Variants in CAMK1D observed in about 807,000 individuals in gnomAD.
CAMK1D encodes calcium/calmodulin-dependent protein kinase type 1D.
CAMK1D carries 9 observed loss-of-function variants against 47.7 expected under a neutral mutation model. The observed-to-expected ratio is 0.19, with a 90% CI of 0.11 to 0.33. CAMK1D has a LOEUF of 0.33. CAMK1D is among the 10% of genes least tolerant of loss of function. The probability of loss-of-function intolerance (pLI) is 1.00; values close to 1 mark genes in which losing one functional copy is unlikely to be tolerated. For synonymous variants in CAMK1D, 184 were observed against 184.9 expected (o/e 0.99, Z 0.04); for missense variants, 291 against 488.7 (o/e 0.60, Z 3.81).
chr10:12,603,402 C>T (rs1838363547), intron 2 of CAMK1D, among the ~76,000 whole-genome samples: 1 of 152,210 alleles, frequency 6.6e-6, no homozygotes, highest in South Asian at 2.1e-4. Flanking sequence ...CCGTGCACGC[C>T]TGTCCTTGAT....
chr10:12,605,337 AGTGTGTGTGTGT>A lies in CAMK1D; in HGVS notation c.224+52000_224+52011del, dbSNP rs112178502. On this transcript the variant is annotated intron_variant, in intron 2 of 10. Transcript: ENST00000619168. ...TGTGATGGTGGATAGAAACCATTCA[AGTGTGTGTGTGT>A]GTGTGTGTGTGTGTGTGTATGTGTG... Among the ~76,000 whole-genome samples the A allele has an allele frequency of 2.0e-3, 289 of 145,214 alleles. 1 individual carries two copies. In the East Asian group the frequency reaches 0.027, roughly 14 times the overall value.
rs1212612487 is a variant in CAMK1D at position 12,734,345 on chromosome 10, AATATATATATATAT to A, written c.300-26583_300-26570del. Among the ~76,000 whole-genome samples, 44 of 8,460 alleles carry A rather than the reference AATATATATATATAT, an allele frequency of 5.2e-3. 1 individual carries two copies. The highest frequency in any genetic ancestry group is 0.015 in the South Asian group (4 of 262). 5.6% of individuals were successfully genotyped at this position (8,460 alleles called of 152,430 possible). A position where few individuals can be genotyped will look rare whatever the true frequency, so the allele number is the denominator to read the frequency against. On this transcript the variant is annotated intron_variant, in intron 3 of 10. Coordinates refer to ENST00000619168, the MANE Select transcript of CAMK1D (RefSeq NM_153498.4). ...CTCAAAAAAAAAAAAAAAAAAAAAA[AATATATATATATAT>A]ATATATATATATATATATAGATATA...
intron 1 of CAMK1D, among the ~76,000 whole-genome samples, chr10:12,446,089 C>G (rs182692638): frequency 1.1e-4 from 16 of 152,242 alleles, no homozygotes; most frequent in Admixed American, 8.5e-4. Context: ...CATCCTTCAG[C>G]CTGCTAGTGT....
At chr10:12,476,179 C>T (rs1001038495) in intron 1 of CAMK1D, among the ~76,000 whole-genome samples, 1 of 151,990 alleles carries the variant, frequency 6.6e-6, no homozygotes, top group African/African-American at 2.4e-5. Context: ...ATAATCCCAG[C>T]TACTCAGGAG....
chr10:12,713,216 G>A (rs200654193), intron 3 of CAMK1D, among the ~76,000 whole-genome samples: 6 of 152,190 alleles, frequency 3.9e-5, no homozygotes, highest in Non-Finnish European at 5.9e-5. Context: ...GATTACAAGC[G>A]CACGCCACCA....
At chr10:12,692,257 T>C (rs758774056) in intron 3 of CAMK1D, among the ~76,000 whole-genome samples, 12 of 152,318 alleles carry the variant, frequency 7.9e-5, no homozygotes, top group Non-Finnish European at 1.3e-4. Flanking sequence ...TCTTCTGTTG[T>C]GCTATTGATG....
intron 1 of CAMK1D, among the ~76,000 whole-genome samples, chr10:12,516,600 C>T (rs1292995427): frequency 6.6e-6 from 1 of 152,210 alleles, no homozygotes; most frequent in Non-Finnish European, 1.5e-5. Flanking sequence ...TTTGTATTTG[C>T]ACCAGCAGCG....
chr10:12,673,174 C>T lies in CAMK1D; in HGVS notation c.299+6364C>T, dbSNP rs532810528. Among the ~76,000 whole-genome samples the T allele has an allele frequency of 2.6e-5, 4 of 152,132 alleles. 1 individual carries two copies. The East Asian group carries it at 5.8e-4, about 22-fold the overall frequency. On this transcript the variant is annotated intron_variant, in intron 3 of 10. Transcript: ENST00000619168. ...TGCTAAGATTATAGGTGTGAGCCACCGTGCCCGGCTGCCTTTTTTAATGCT... is the reference window on the plus strand; with the variant it reads ...TGCTAAGATTATAGGTGTGAGCCACTGTGCCCGGCTGCCTTTTTTAATGCT...
At chr10:12,646,123 G>A (rs1839804924) in intron 2 of CAMK1D, among the ~76,000 whole-genome samples, 1 of 152,124 alleles carries the variant, frequency 6.6e-6, no homozygotes, top group African/African-American at 2.4e-5. Context: ...AAAAACTTGA[G>A]TCCTTGGTAT....
At chr10:12,419,159 T>C (rs1839959637) in intron 1 of CAMK1D, among the ~76,000 whole-genome samples, 1 of 151,924 alleles carries the variant, frequency 6.6e-6, no homozygotes, top group East Asian at 1.9e-4. Context: ...GGACGGGAGA[T>C]TTTATAAGCT....
intron 1 of CAMK1D, among the ~76,000 whole-genome samples, chr10:12,494,714 G>A (rs961168189): frequency 6.6e-6 from 1 of 152,104 alleles, no homozygotes; most frequent in Non-Finnish European, 1.5e-5. Flanking sequence ...ACAGGCATGT[G>A]CCACCACACC....
intron 3 of CAMK1D, among the ~76,000 whole-genome samples, chr10:12,700,671 G>A (rs563127729): frequency 2.6e-5 from 4 of 152,324 alleles, no homozygotes; most frequent in African/African-American, 9.6e-5. Flanking sequence ...AAATAGCCCA[G>A]AGAAAGGACC....
At chr10:12,473,198 G>T (rs1483419412) in intron 1 of CAMK1D, among the ~76,000 whole-genome samples, 1 of 152,204 alleles carries the variant, frequency 6.6e-6, no homozygotes, top group Non-Finnish European at 1.5e-5. Context: ...GCGATGTCAT[G>T]TGGGAATCCA....
intron 6 of CAMK1D, among the ~76,000 whole-genome samples, chr10:12,804,687 A>T (rs986442335): frequency 6.6e-6 from 1 of 150,922 alleles, no homozygotes; most frequent in Admixed American, 6.6e-5. Context: ...CAATCCCAGG[A>T]TTTGGGGAGG....
intron 1 of CAMK1D, among the ~76,000 whole-genome samples, chr10:12,426,267 A>T (rs189826759): frequency 6.6e-6 from 1 of 152,032 alleles, no homozygotes; most frequent in Non-Finnish European, 1.5e-5. Context: ...TCTTTTTGAG[A>T]TGGAGTTTTT....
At chr10:12,444,948 G>A (rs1281931130) in intron 1 of CAMK1D, among the ~76,000 whole-genome samples, 1 of 152,178 alleles carries the variant, frequency 6.6e-6, no homozygotes, top group Non-Finnish European at 1.5e-5. Context: ...ATTCGCTACA[G>A]AATGTAGATT....
chr10:12,504,408 T>C (rs1042271798), intron 1 of CAMK1D, among the ~76,000 whole-genome samples: 7 of 151,992 alleles, frequency 4.6e-5, no homozygotes, highest in South Asian at 2.1e-4. Flanking sequence ...GTGTCCGAGG[T>C]CAGGCGGCGA....
Position 12,790,456 on chromosome 10 carries a change from C to T in CAMK1D, c.566-702C>T, listed in dbSNP as rs566378561. ...GTTGCCTTGAGCTGACTTGAGGTGA[C>T]GTCACAGACTCCAGACCTCAAAATG... On this transcript the variant is annotated intron_variant, in intron 5 of 10. Transcript: ENST00000619168. 3.9e-5 allele frequency among the ~76,000 whole-genome samples: 6 copies of T among 152,278 alleles called. 1 individual carries two copies. The highest frequency in any genetic ancestry group is 6.8e-3 in the Middle Eastern group (2 of 294).
intron 2 of CAMK1D, among the ~76,000 whole-genome samples, chr10:12,615,994 GGT>G (rs1376117150): frequency 6.6e-6 from 1 of 150,434 alleles, no homozygotes; most frequent in Non-Finnish European, 1.5e-5. Flanking sequence ...TGTCTGTATA[GGT>G]GTGTTTGTGG....
Sources: allele counts gnomAD v4.1 joint callset (sites outside exome capture counted in the v4.1 genomes callset), GRCh38; gene constraint gnomAD v4.1.1; transcripts MANE v1.5; gene names NCBI Gene and HGNC (gene_info 2026-07-23, HGNC 2026-07-21).